The following CLEC16A variants were observed in gnomAD, a reference collection of about 807,000 sequenced individuals.
CLEC16A encodes protein CLEC16A.
CLEC16A carries 51 observed loss-of-function variants against 109.5 expected under a neutral mutation model. That is an observed-to-expected ratio of 0.47 (90% CI 0.37 to 0.59). The LOEUF (loss-of-function observed/expected upper bound fraction) is 0.59, where lower values mean the gene tolerates loss of function less well. CLEC16A is among the 20% of genes least tolerant of loss of function. The pLI is 0.00. For synonymous variants in CLEC16A, 673 were observed against 564.2 expected, an observed-to-expected ratio of 1.19 and a Z score of -2.73; for missense variants, 1,339 against 1,394.0, an observed-to-expected ratio of 0.96 and a Z score of 0.63.
Position 10,954,594 on chromosome 16 carries a change from G to A in CLEC16A, c.81-3188G>A, listed in dbSNP as rs1390708577. 6.6e-6 allele frequency among the ~76,000 whole-genome samples: 1 copy of A among 152,206 alleles called. No homozygotes were observed. The highest frequency in any genetic ancestry group is 1.5e-5 in the Non-Finnish European group (1 of 68,032). Reference sequence around the variant, plus strand: ...ATTTTACTGGTGAGACAACTGAGGTGCACAGAGGGAAAGTAACCTGCTCAG... The same window carrying A: ...ATTTTACTGGTGAGACAACTGAGGTACACAGAGGGAAAGTAACCTGCTCAG... On this transcript the variant is annotated intron_variant, in intron 1 of 23. Coordinates refer to ENST00000409790, the MANE Select transcript of CLEC16A (RefSeq NM_015226.3). The surrounding 1 kb of genome is among the most constrained non-coding windows in gnomAD (Gnocchi z 4.2).
intron 22 of CLEC16A, among the ~76,000 whole-genome samples, chr16:11,148,990 G>A (rs794425): frequency 0.7 from 106,288 of 152,140 alleles, 38,513 homozygotes; most frequent in African/African-American, 0.89. Flanking sequence ...AGAGTTTCCC[G>A]GAAAGGGATA....
chr16:11,054,032 A>G (rs965494021), intron 18 of CLEC16A, among the ~76,000 whole-genome samples: 3 of 152,238 alleles, frequency 2.0e-5, no homozygotes, highest in Admixed American at 6.5e-5. Flanking sequence ...ATAGGCCCAG[A>G]GACAGGTGGC....
intron 1 of CLEC16A, among the ~76,000 whole-genome samples, chr16:10,951,445 A>G (rs748624186): frequency 6.6e-6 from 1 of 152,090 alleles, no homozygotes; most frequent in Admixed American, 6.5e-5. Context: ...ATTCTTGGCC[A>G]ATAAAATTGT....
intron 21 of CLEC16A, among the ~76,000 whole-genome samples, chr16:11,124,464 A>AT: frequency 6.6e-6 from 1 of 152,150 alleles, no homozygotes; most frequent in African/African-American, 2.4e-5. Flanking sequence ...CTGCTTGGTG[A>AT]AAGGCTGGAA....
At chr16:11,073,704 G>GC (rs2049195224) in intron 19 of CLEC16A, among the ~76,000 whole-genome samples, 1 of 152,174 alleles carries the variant, frequency 6.6e-6, no homozygotes, top group South Asian at 2.1e-4. Flanking sequence ...GGCCCTCCCA[G>GC]CCTCCTTCCT....
At chr16:11,142,606 G>C (rs1035050861) in intron 22 of CLEC16A, among the ~76,000 whole-genome samples, 2 of 152,222 alleles carry the variant, frequency 1.3e-5, no homozygotes, top group African/African-American at 2.4e-5. Context: ...AGGCACAGGA[G>C]CCTCTGCAGT....
chr16:11,176,512 G>T (rs2068753157), intron 23 of CLEC16A, among the ~76,000 whole-genome samples: 1 of 152,170 alleles, frequency 6.6e-6, no homozygotes, highest in African/African-American at 2.4e-5. Context: ...CAAAGCAGAA[G>T]GATTGCTTGA....
At chr16:11,093,125 C>T (rs547383992) in intron 19 of CLEC16A, among the ~76,000 whole-genome samples, 13 of 152,332 alleles carry the variant, frequency 8.5e-5, no homozygotes, top group African/African-American at 3.1e-4. Context: ...CTTTGCACCC[C>T]CTTCTCATGG....
chr16:11,124,041 T>C, intron 21 of CLEC16A, 95 bp downstream of exon 21: 4 of 1,095,566 alleles, frequency 3.7e-6, no homozygotes, highest in Non-Finnish European at 5.3e-6. Flanking sequence ...CCCCATAGCA[T>C]AGAAGAAGAC....
intron 20 of CLEC16A, 40 bp from the exon 21 acceptor site, chr16:11,123,700 CAA>C: frequency 6.2e-7 from 1 of 1,604,382 alleles, no homozygotes; most frequent in Non-Finnish European, 8.5e-7. Flanking sequence ...ACCCTCCTCC[CAA>C]ACCCAACGAA....
At chr16:10,974,738 A>G (rs2042957906) in intron 7 of CLEC16A, among the ~76,000 whole-genome samples, 1 of 152,230 alleles carries the variant, frequency 6.6e-6, no homozygotes, top group Non-Finnish European at 1.5e-5. Flanking sequence ...TAGAAGCCTT[A>G]TGGATTTAAA....
intron 19 of CLEC16A, among the ~76,000 whole-genome samples, chr16:11,065,585 T>G (rs2048716660): frequency 6.6e-6 from 1 of 152,186 alleles, no homozygotes; most frequent in South Asian, 2.1e-4. Flanking sequence ...GAGCAACCAC[T>G]AACAGGTAGG....
intron 19 of CLEC16A, among the ~76,000 whole-genome samples, chr16:11,093,077 C>A (rs992298321): frequency 6.6e-6 from 1 of 152,140 alleles, no homozygotes; most frequent in African/African-American, 2.4e-5. Flanking sequence ...TCCTCCTGTA[C>A]CCCCCACCAC....
At chr16:11,037,509 A>G (rs1211308297) in intron 13 of CLEC16A, among the ~76,000 whole-genome samples, 1 of 152,166 alleles carries the variant, frequency 6.6e-6, no homozygotes, top group African/African-American at 2.4e-5. Context: ...TCTTCCTGTC[A>G]AGAAAAGAGC....
At chr16:11,163,802 A>G (rs1389542934) in intron 22 of CLEC16A, among the ~76,000 whole-genome samples, 1 of 152,190 alleles carries the variant, frequency 6.6e-6, no homozygotes, top group African/African-American at 2.4e-5. Flanking sequence ...ACAAGGTGTA[A>G]TCCCAACTCT....
intron 22 of CLEC16A, among the ~76,000 whole-genome samples, chr16:11,144,807 A>T (rs1297839105): frequency 6.6e-6 from 1 of 152,092 alleles, no homozygotes; most frequent in East Asian, 1.9e-4. Context: ...TAGGAGTGGG[A>T]TGTTTTGTGC....
intron 3 of CLEC16A, among the ~76,000 whole-genome samples, chr16:10,965,508 C>A (rs577367800): frequency 1.6e-4 from 25 of 152,260 alleles, no homozygotes; most frequent in Admixed American, 1.2e-3. Context: ...CTCATTGTCC[C>A]GTTCTGTAAC....
At chr16:11,168,917 T>G (rs1411152783) in intron 23 of CLEC16A, among the ~76,000 whole-genome samples, 1 of 152,202 alleles carries the variant, frequency 6.6e-6, no homozygotes, top group African/African-American at 2.4e-5. Flanking sequence ...TGAGGGAAGG[T>G]CACCCTGCGT....
At chr16:11,016,326 G>T (rs8062762) in intron 11 of CLEC16A, among the ~76,000 whole-genome samples, 4 of 149,752 alleles carry the variant, frequency 2.7e-5, no homozygotes, top group African/African-American at 9.9e-5. Context: ...TCTGCACCAC[G>T]TTCGAACTCT....
Sources: allele counts gnomAD v4.1 joint callset (sites outside exome capture counted in the v4.1 genomes callset), GRCh38; gene constraint gnomAD v4.1.1; non-coding constraint Gnocchi (gnomAD v3.1); transcripts MANE v1.5; gene names NCBI Gene and HGNC (gene_info 2026-07-23, HGNC 2026-07-21).